Variants in ANKFN1 observed in about 807,000 individuals in gnomAD.
The protein encoded by ANKFN1 is ankyrin repeat and fibronectin type III domain containing 1.
Under a neutral mutation model 108.7 loss-of-function variants are expected in ANKFN1, and 74 were observed. The observed-to-expected ratio is 0.68, with a 90% confidence interval of 0.56 to 0.83. The LOEUF is 0.83. Among genes scored for constraint, ANKFN1 ranks in the 40% least tolerant of loss-of-function variants. The probability of loss-of-function intolerance (pLI) is 0.00; values close to 1 mark genes in which losing one functional copy is unlikely to be tolerated. For missense variants in ANKFN1, 1,505 were observed against 1,382.3 expected, an observed-to-expected ratio of 1.09 and a Z score of -1.41; for synonymous variants, 547 against 516.2, an observed-to-expected ratio of 1.06 and a Z score of -0.81.
intron 1 of ANKFN1, among the ~76,000 whole-genome samples, chr17:56,167,302 T>C (rs906636094): frequency 3.2e-5 from 3 of 93,254 alleles, no homozygotes; most frequent in African/African-American, 1.4e-4. Context: ...CACATACATA[T>C]ATACACACAC....
chr17:56,093,925 C>A (rs1905468409), intron 4 of ANKFN1, among the ~76,000 whole-genome samples: 1 of 151,276 alleles, frequency 6.6e-6, no homozygotes, highest in African/African-American at 2.4e-5. Flanking sequence ...GACATTAGGT[C>A]TTTTCAGAAG....
chr17:56,490,230 A>G (rs2050990859), intron 18 of ANKFN1, among the ~76,000 whole-genome samples: 1 of 152,248 alleles, frequency 6.6e-6, no homozygotes, highest in Non-Finnish European at 1.5e-5. Flanking sequence ...TGAAATGTTT[A>G]GAAACAAATG....
chr17:56,410,200 C>T (rs544703552), intron 8 of ANKFN1, among the ~76,000 whole-genome samples: 3 of 152,130 alleles, frequency 2.0e-5, no homozygotes, highest in Non-Finnish European at 4.4e-5. Context: ...ATTCTCCTCC[C>T]GAGTAACTGG....
intron 1 of ANKFN1, among the ~76,000 whole-genome samples, chr17:56,177,103 C>A (rs1012518481): frequency 1.3e-5 from 2 of 152,170 alleles, no homozygotes; most frequent in African/African-American, 4.8e-5. Context: ...GGCCCCCCTG[C>A]CCTTTTCTCC....
intron 9 of ANKFN1, among the ~76,000 whole-genome samples, chr17:56,441,967 G>A (rs1207185511): frequency 2.0e-5 from 3 of 151,662 alleles, no homozygotes; most frequent in Admixed American, 1.3e-4. Context: ...TCAAATGCTG[G>A]CTTCTCAAAT....
intron 8 of ANKFN1, among the ~76,000 whole-genome samples, chr17:56,411,077 G>T (rs1018280261): frequency 6.6e-6 from 1 of 152,188 alleles, no homozygotes; most frequent in Non-Finnish European, 1.5e-5. Context: ...AGATTGCATC[G>T]AATCTGTAAA....
At chr17:56,145,185 A>T (rs75498708) in intron 4 of ANKFN1, among the ~76,000 whole-genome samples, 1 of 152,212 alleles carries the variant, frequency 6.6e-6, no homozygotes, top group African/African-American at 2.4e-5. Context: ...TGAGCAGGCA[A>T]TGGGAATTAG....
chr17:56,492,447 CT>C, intron 19 of ANKFN1, 94 bp downstream of exon 19: 1 of 635,894 alleles, frequency 1.6e-6, no homozygotes, highest in Non-Finnish European at 2.9e-6. Flanking sequence ...GCAGTCCAGG[CT>C]GATTCAAAGA....
intron 1 of ANKFN1, among the ~76,000 whole-genome samples, chr17:56,163,318 C>T (rs954106649): frequency 1.4e-4 from 22 of 152,116 alleles, no homozygotes; most frequent in Admixed American, 1.0e-3. Flanking sequence ...ACCTCCACTA[C>T]GCATACAGAT....
intron 6 of ANKFN1, among the ~76,000 whole-genome samples, chr17:56,358,601 A>G (rs890929192): frequency 4.6e-5 from 7 of 152,196 alleles, no homozygotes; most frequent in African/African-American, 1.2e-4. Flanking sequence ...CAAACAGCAC[A>G]AAATAATATT....
intron 2 of ANKFN1, among the ~76,000 whole-genome samples, chr17:56,219,040 C>A (rs977187563): frequency 6.6e-6 from 1 of 152,066 alleles, no homozygotes; most frequent in East Asian, 1.9e-4. Flanking sequence ...GTCTCATATA[C>A]AATAGACTGA....
At chr17:56,235,845 T>C (rs886843067) in intron 3 of ANKFN1, among the ~76,000 whole-genome samples, 1 of 152,142 alleles carries the variant, frequency 6.6e-6, no homozygotes, top group African/African-American at 2.4e-5. Context: ...AGACTCTTTT[T>C]TGGTTCCATA....
chr17:56,382,867 C>A (rs2047147631), intron 8 of ANKFN1, among the ~76,000 whole-genome samples: 1 of 152,136 alleles, frequency 6.6e-6, no homozygotes, highest in Admixed American at 6.5e-5. Flanking sequence ...TAGACTCCCA[C>A]ACAATAATAA....
At chr17:56,057,944 G>A (rs1260072953) in intron 4 of ANKFN1, among the ~76,000 whole-genome samples, 1 of 152,136 alleles carries the variant, frequency 6.6e-6, no homozygotes, top group African/African-American at 2.4e-5. Flanking sequence ...CATTGTCAAT[G>A]AGCAGTAATA....
chr17:56,172,498 G>A (rs1314169306), intron 1 of ANKFN1, among the ~76,000 whole-genome samples: 2 of 152,046 alleles, frequency 1.3e-5, no homozygotes, highest in Non-Finnish European at 2.9e-5. Context: ...GCAAGCAGGT[G>A]ACAAGCTCAG....
chr17:56,364,159 T>C (rs1026410082), intron 6 of ANKFN1, among the ~76,000 whole-genome samples: 1 of 152,182 alleles, frequency 6.6e-6, no homozygotes, highest in Non-Finnish European at 1.5e-5. Flanking sequence ...TATTCCACAT[T>C]GTATTCACAA....
chr17:56,117,231 C>T (rs1906336891), intron 4 of ANKFN1, among the ~76,000 whole-genome samples: 1 of 152,138 alleles, frequency 6.6e-6, no homozygotes, highest in African/African-American at 2.4e-5. Context: ...AGCACATGGC[C>T]CTCAATGACT....
intron 11 of ANKFN1, among the ~76,000 whole-genome samples, chr17:56,450,730 T>G (rs1305509560): frequency 6.6e-6 from 1 of 152,198 alleles, no homozygotes; most frequent in African/African-American, 2.4e-5. Flanking sequence ...AGTGGACAGA[T>G]GATTCTTGGA....
intron 4 of ANKFN1, among the ~76,000 whole-genome samples, chr17:56,121,601 G>T (rs527699170): frequency 6.6e-6 from 1 of 151,884 alleles, no homozygotes; most frequent in African/African-American, 2.4e-5. Context: ...AATGAAATAC[G>T]TACAGAGGGA....
Sources: allele counts gnomAD v4.1 joint callset (sites outside exome capture counted in the v4.1 genomes callset), GRCh38; gene constraint gnomAD v4.1.1; transcripts MANE v1.5; gene names NCBI Gene and HGNC (gene_info 2026-07-23, HGNC 2026-07-21).